The following DENND11 variants were observed in gnomAD, a reference collection of about 807,000 sequenced individuals.
DENND11 encodes DENN domain-containing protein 11.
DENND11 carries 34 observed loss-of-function variants against 49.2 expected under a neutral mutation model. That is an observed-to-expected ratio of 0.69 (90% CI 0.53 to 0.92). The LOEUF (loss-of-function observed/expected upper bound fraction) is 0.92, where lower values mean the gene tolerates loss of function less well. DENND11 is among the 40% of genes least tolerant of loss of function. DENND11 has a pLI of 0.00. For synonymous variants in DENND11, 238 were observed against 230.3 expected (o/e 1.03, Z -0.30); for missense variants, 475 against 581.6 (o/e 0.82, Z 1.88).
intron 8 of DENND11, chr7:141,663,230 A>C: frequency 5.7e-6 from 1 of 175,852 alleles, no homozygotes; most frequent in Non-Finnish European, 1.2e-5. Flanking sequence ...CAACAAAATG[A>C]ACGTGAGCCA....
rs1798531288 is a variant in DENND11, at chr7:141,702,077, T to A, written c.77A>T (p.Gln26Leu). The change falls in exon 1 of 9, where the codon CAG becomes CTG. Residue 26 changes from glutamine to leucine, a missense_variant. Gln to Leu is a moderately radical substitution (Grantham distance 113). Coordinates refer to ENST00000536163, the MANE Select transcript of DENND11 (RefSeq NM_001080392.2). ...GPAVSLPQAP[Q>L]PQAGGWGRGG... ...CCGGCCCCAGCCTCCCGCCTGCGGC[T>A]GCGGGGCCTGCGGCAGGGAGACGGC... 4 of 985,538 alleles carry A rather than the reference T, an allele frequency of 4.1e-6. No individual in the cohort carries two copies. Among genetic ancestry groups the A allele is most frequent in the Non-Finnish European group, 4.8e-6 (4 of 831,476 alleles). 61.0% of individuals were successfully genotyped at this position (985,538 alleles called of 1,614,324 possible). A position where few individuals can be genotyped will look rare whatever the true frequency, so the allele number is the denominator to read the frequency against.
In DENND11 at chr7:141,659,710, G is replaced by A. The variant is rs1414773836; in HGVS notation, c.*2946C>T. 6.6e-6 allele frequency: 1 copy of A among 152,246 alleles called. No homozygotes were observed. The highest frequency in any genetic ancestry group is 2.1e-4 in the South Asian group (1 of 4,826). 9.4% of individuals were successfully genotyped at this position (152,246 alleles called of 1,614,324 possible). A position where few individuals can be genotyped will look rare whatever the true frequency, so the allele number is the denominator to read the frequency against. ...TGAGATCAGGCTGACAGCTTCACAG[G>A]AGAACTAGGCCTGCTCAGGCAGGCG... On this transcript the variant is annotated 3_prime_UTR_variant, in exon 9 of 9. Transcript: ENST00000536163.
intron 3 of DENND11, among the ~76,000 whole-genome samples, chr7:141,684,444 A>G (rs923603524): frequency 3.3e-5 from 5 of 152,214 alleles, no homozygotes; most frequent in African/African-American, 1.2e-4. Flanking sequence ...AATTCATAAA[A>G]TATTAATCCT....
At position 141,665,303 on chromosome 7, in the gene DENND11, C is replaced by T; in HGVS notation, c.836G>A (p.Cys279Tyr). ...GCCAGGCAGTGAAACGTTGGCCAAG[C>T]AGCAGCAGCAGTACACTGTGGGGAT... ...VVCYRVYCCC[C>Y]LANVSLPGIG... Residue 279 changes from cysteine to tyrosine, a missense_variant, in exon 6 of 9, where the codon TGC (cysteine) becomes TAC (tyrosine). By Grantham distance (194) the Cys-to-Tyr change is radical. Transcript: ENST00000536163. 2 of 1,611,798 alleles carry T rather than the reference C, an allele frequency of 1.2e-6. No homozygotes were observed. Among genetic ancestry groups the T allele is most frequent in the Non-Finnish European group, 1.7e-6 (2 of 1,178,382 alleles).
intron 1 of DENND11, among the ~76,000 whole-genome samples, chr7:141,689,799 T>C (rs1384207317): frequency 6.6e-6 from 1 of 152,228 alleles, no homozygotes; most frequent in Non-Finnish European, 1.5e-5. Context: ...CAAAATGTAA[T>C]TATAGTTTGC....
Position 141,674,138 on chromosome 7 carries a change from C to T in DENND11, c.610G>A (p.Gly204Ser), listed in dbSNP as rs558749920. ...DKKGVLHAGPGRGSSLPPVYW... is the reference protein window; with the variant it reads ...DKKGVLHAGPSRGSSLPPVYW... Reference sequence around the variant, plus strand: ...ACAGGGGGCAGGCTGCTGCCTCTGCCGGGACCAGCATGGAGCACCCCCTTT... The same window carrying T: ...ACAGGGGGCAGGCTGCTGCCTCTGCTGGGACCAGCATGGAGCACCCCCTTT... The change falls in exon 4 of 9, where the codon GGC (glycine) becomes AGC (serine). Residue 204 changes from glycine (G) to serine (S), a missense_variant. Coordinates refer to ENST00000536163, the MANE Select transcript of DENND11 (RefSeq NM_001080392.2). 47 of 1,589,364 alleles carry T rather than the reference C, an allele frequency of 3.0e-5. No homozygotes were observed. The highest frequency in any genetic ancestry group is 3.6e-5 in the Admixed American group (2 of 56,130).
chr7:141,690,928 A>G (rs1798317862), intron 1 of DENND11, among the ~76,000 whole-genome samples: 1 of 152,188 alleles, frequency 6.6e-6, no homozygotes, highest in African/African-American at 2.4e-5. Context: ...AGTATCTTAA[A>G]TCTTTTTAAA....
chr7:141,685,679 G>T (rs776599360), intron 2 of DENND11, 43 bp from the exon 3 acceptor site: 37 of 1,596,584 alleles, frequency 2.3e-5, no homozygotes, highest in Non-Finnish European at 2.7e-5. Flanking sequence ...GATCAGAGAG[G>T]AATTTTGAGA....
At chr7:141,680,641 T>A (rs1249357617) in intron 3 of DENND11, among the ~76,000 whole-genome samples, 1 of 151,236 alleles carries the variant, frequency 6.6e-6, no homozygotes, top group Admixed American at 6.6e-5. Flanking sequence ...AACTTCCAGA[T>A]CACTCAAGTT....
chr7:141,665,034 C>T lies in DENND11; in HGVS notation c.973G>A (p.Glu325Lys), dbSNP rs377517916. The part of the protein sequence containing the change: ...YVACTTEKIF[E>K]EKRELYDVYV... ...ACGTCATACAGCTCCCGCTTCTCCT[C>T]GAATATCTTCTCTGTGGTGCCTGTG... is the stretch of plus-strand genomic sequence containing the variant. The change falls in exon 7 of 9, where the codon GAG becomes AAG. Residue 325 changes from glutamate (E) to lysine (K), a missense_variant. Coordinates refer to ENST00000536163, the MANE Select transcript of DENND11 (RefSeq NM_001080392.2). 35 of 1,613,810 alleles carry T rather than the reference C, an allele frequency of 2.2e-5. No individual in the cohort carries two copies. Among genetic ancestry groups the T allele is most frequent in the South Asian group, 3.3e-5 (3 of 91,068 alleles).
At chr7:141,701,770 T>C in intron 1 of DENND11, 116 bp downstream of exon 1, 1 of 877,400 alleles carries the variant, frequency 1.1e-6, no homozygotes, top group Non-Finnish European at 1.4e-6. Context: ...CCGGCCCTGG[T>C]GCGGGGTGCG....
intron 1 of DENND11, 79 bp downstream of exon 1, chr7:141,701,807 G>A: frequency 9.1e-7 from 1 of 1,093,868 alleles, no homozygotes; most frequent in Non-Finnish European, 1.1e-6. Flanking sequence ...TGCGCGCGCA[G>A]CGAGCCCCTC....
intron 3 of DENND11, among the ~76,000 whole-genome samples, chr7:141,682,951 C>CA (rs142106343): frequency 0.019 from 1,953 of 100,434 alleles, 15 homozygotes; most frequent in African/African-American, 0.044. Context: ...ACTTCTGAGA[C>CA]AAAAAAAAAA....
intron 1 of DENND11, among the ~76,000 whole-genome samples, chr7:141,700,491 AG>A (rs1168783813): frequency 4.7e-5 from 7 of 149,652 alleles, no homozygotes; most frequent in Admixed American, 2.7e-4. Flanking sequence ...AAAAAAAAAA[AG>A]AGAGAGAAAA....
At chr7:141,684,482 A>G (rs993057920) in intron 3 of DENND11, among the ~76,000 whole-genome samples, 2 of 152,154 alleles carry the variant, frequency 1.3e-5, no homozygotes, top group Non-Finnish European at 2.9e-5. Context: ...TGTATTCTAG[A>G]ATTGCATTCA....
intron 4 of DENND11, among the ~76,000 whole-genome samples, chr7:141,672,071 C>A (rs1797990940): frequency 6.6e-6 from 1 of 152,360 alleles, no homozygotes; most frequent in African/African-American, 2.4e-5. Context: ...TTAGCATGCA[C>A]AGCACACGTG....
At chr7:141,677,673 T>C (rs150776410) in intron 3 of DENND11, among the ~76,000 whole-genome samples, 2 of 151,860 alleles carry the variant, frequency 1.3e-5, no homozygotes, top group African/African-American at 4.8e-5. Context: ...AAATTGTACA[T>C]TGTACACATC....
rs747213935 is a variant in DENND11 at position 141,674,090 on chromosome 7, G to A, written c.658C>T (p.Arg220Ter). 7.5e-6 allele frequency: 12 copies of A among 1,604,130 alleles called. No homozygotes were observed. The highest frequency in any genetic ancestry group is 1.6e-4 in the Middle Eastern group (1 of 6,070). Residue 220 changes from arginine to a stop codon, truncating the protein, a stop_gained, in exon 4 of 9, where the codon CGA becomes TGA. Transcript: ENST00000536163. LOFTEE classifies it high-confidence loss of function. ...PPVYWLPSIH[R>*]YMYPEMKITH... ...ACCTTCATCTCAGGGTACATGTATC[G>A]GTGGATGGAAGGCAGCCAGTAGACA...
At chr7:141,669,669 TA>T (rs1797947878) in intron 4 of DENND11, among the ~76,000 whole-genome samples, 1 of 152,088 alleles carries the variant, frequency 6.6e-6, no homozygotes, top group African/African-American at 2.4e-5. Context: ...ATATATATAT[TA>T]TTTTCCATAC....
Sources: allele counts gnomAD v4.1 joint callset (sites outside exome capture counted in the v4.1 genomes callset), GRCh38; gene constraint gnomAD v4.1.1; transcripts MANE v1.5; gene names NCBI Gene and HGNC (gene_info 2026-07-23, HGNC 2026-07-21).